Variants in CFAP20DC observed in about 807,000 individuals in gnomAD.
The protein encoded by CFAP20DC is CFAP20 domain containing.
CFAP20DC carries 84 observed loss-of-function variants against 101.7 expected under a neutral mutation model. The observed-to-expected ratio is 0.83, with a 90% CI of 0.69 to 0.99. The LOEUF is 0.99. Among genes scored for constraint, CFAP20DC ranks in the 50% least tolerant of loss-of-function variants. The pLI is 0.00. For synonymous variants in CFAP20DC, 359 were observed against 351.2 expected, an observed-to-expected ratio of 1.02 and a Z score of -0.25; for missense variants, 1,007 against 970.3, an observed-to-expected ratio of 1.04 and a Z score of -0.50.
intron 13 of CFAP20DC, among the ~76,000 whole-genome samples, chr3:58,841,280 G>C (rs1403677176): frequency 6.6e-6 from 1 of 152,188 alleles, no homozygotes; most frequent in African/African-American, 2.4e-5. Context: ...TCAAACAATG[G>C]GGTATTGTTG....
intron 15 of CFAP20DC, among the ~76,000 whole-genome samples, chr3:58,756,266 ATTTACCTACTT>A (rs1486050558): frequency 3.3e-5 from 5 of 152,016 alleles, no homozygotes; most frequent in African/African-American, 4.8e-5. Context: ...TCCTCAAGAT[ATTTACCTACTT>A]CCTGAATTAT....
chr3:58,995,388 A>C (rs965918407), intron 4 of CFAP20DC, among the ~76,000 whole-genome samples: 2 of 152,102 alleles, frequency 1.3e-5, no homozygotes, highest in African/African-American at 4.8e-5. Flanking sequence ...AAAAAAAAAA[A>C]AACACTATTT....
chr3:58,855,583 C>G (rs2078705794), intron 12 of CFAP20DC, among the ~76,000 whole-genome samples: 1 of 151,986 alleles, frequency 6.6e-6, no homozygotes, highest in African/African-American at 2.4e-5. Flanking sequence ...TTGGAACCAA[C>G]CCAAATGTCC....
At chr3:58,719,139 G>C (rs940358047) in intron 3 of CFAP20DC, among the ~76,000 whole-genome samples, 1 of 152,166 alleles carries the variant, frequency 6.6e-6, no homozygotes, top group East Asian at 1.9e-4. Flanking sequence ...AGCTACTTGG[G>C]AGGCTGAGTA....
intron 5 of CFAP20DC, among the ~76,000 whole-genome samples, chr3:58,933,815 A>C (rs1243637661): frequency 6.6e-6 from 1 of 152,082 alleles, no homozygotes; most frequent in Non-Finnish European, 1.5e-5. Context: ...CCAAAAAGAA[A>C]GCAGGAAAGA....
chr3:58,818,476 G>C (rs1324524189), intron 14 of CFAP20DC, among the ~76,000 whole-genome samples: 1 of 151,616 alleles, frequency 6.6e-6, no homozygotes, highest in Non-Finnish European at 1.5e-5. Flanking sequence ...ACTGAAAAAG[G>C]CAGGGGTTGC....
chr3:58,968,999 T>C (rs2091775412), intron 4 of CFAP20DC, among the ~76,000 whole-genome samples: 1 of 152,176 alleles, frequency 6.6e-6, no homozygotes, highest in African/African-American at 2.4e-5. Flanking sequence ...GTCAGCTTTG[T>C]TGAAGATCAG....
At chr3:58,774,367 G>C (rs2071131177) in intron 15 of CFAP20DC, among the ~76,000 whole-genome samples, 1 of 152,192 alleles carries the variant, frequency 6.6e-6, no homozygotes, top group East Asian at 1.9e-4. Context: ...AGGATAAAGT[G>C]AAAATTCTTT....
chr3:58,974,475 A>G (rs2092153949), intron 4 of CFAP20DC, among the ~76,000 whole-genome samples: 1 of 152,084 alleles, frequency 6.6e-6, no homozygotes, highest in South Asian at 2.1e-4. Context: ...TCCATGGTAT[A>G]TATGTTATAT....
intron 5 of CFAP20DC, among the ~76,000 whole-genome samples, chr3:58,925,546 G>C (rs2085860957): frequency 6.6e-6 from 1 of 152,188 alleles, no homozygotes; most frequent in Admixed American, 6.5e-5. Context: ...TGTAAGTTCA[G>C]AGGTTTATGA....
intron 4 of CFAP20DC, among the ~76,000 whole-genome samples, chr3:58,974,419 T>G (rs1197986711): frequency 1.3e-5 from 2 of 152,148 alleles, no homozygotes; most frequent in African/African-American, 4.8e-5. Flanking sequence ...GCATCCATGT[T>G]GCTGCAAAGG....
At chr3:58,958,409 G>A (rs2090837033) in intron 4 of CFAP20DC, among the ~76,000 whole-genome samples, 1 of 152,082 alleles carries the variant, frequency 6.6e-6, no homozygotes, top group Admixed American at 6.6e-5. Flanking sequence ...ATCACATTTT[G>A]TTGATCTATT....
At chr3:58,990,347 G>A (rs549484245) in intron 4 of CFAP20DC, among the ~76,000 whole-genome samples, 1 of 152,228 alleles carries the variant, frequency 6.6e-6, no homozygotes, top group Non-Finnish European at 1.5e-5. Flanking sequence ...CTAATGAGTT[G>A]TAGTTGGTTT....
chr3:58,939,372 T>G (rs980685123), intron 4 of CFAP20DC, among the ~76,000 whole-genome samples: 4 of 152,206 alleles, frequency 2.6e-5, no homozygotes, highest in Non-Finnish European at 5.9e-5. Flanking sequence ...AAAGAGGGAC[T>G]GCATTAACCA....
chr3:58,962,093 G>A (rs1375722640), intron 4 of CFAP20DC, among the ~76,000 whole-genome samples: 6 of 152,026 alleles, frequency 3.9e-5, no homozygotes, highest in Admixed American at 2.6e-4. Context: ...GTTTCTTAGG[G>A]TGGAAACTTA....
chr3:58,856,065 T>C (rs2078775619), intron 12 of CFAP20DC, among the ~76,000 whole-genome samples: 2 of 148,480 alleles, frequency 1.3e-5, no homozygotes, highest in Admixed American at 6.6e-5. Flanking sequence ...GATTTTCCAG[T>C]TAAAAATATA....
chr3:58,819,920 A>G (rs1193098291), intron 14 of CFAP20DC, among the ~76,000 whole-genome samples: 4 of 143,566 alleles, frequency 2.8e-5, no homozygotes, highest in Non-Finnish European at 4.5e-5. Flanking sequence ...CGAATCCAGC[A>G]GCACATCAAA....
chr3:58,733,734 A>G (rs2067692210), intron 3 of CFAP20DC, among the ~76,000 whole-genome samples: 1 of 152,248 alleles, frequency 6.6e-6, no homozygotes, highest in South Asian at 2.1e-4. Context: ...TTTCTGGAGT[A>G]TCTATTTTCT....
At chr3:58,775,091 G>A (rs770104558) in intron 15 of CFAP20DC, among the ~76,000 whole-genome samples, 4 of 152,168 alleles carry the variant, frequency 2.6e-5, no homozygotes, top group Non-Finnish European at 5.9e-5. Context: ...TCCTGACGAC[G>A]TGTGTCCAAG....
Sources: gnomAD v4.1 joint callset for allele counts (sites outside exome capture counted in the v4.1 genomes callset) on GRCh38, gnomAD v4.1.1 for gene constraint, MANE v1.5 for transcripts, NCBI Gene and HGNC (gene_info 2026-07-23, HGNC 2026-07-21) for gene names.